NOS1AP: variants seen among roughly 807,000 people sequenced by gnomAD.
The protein encoded by NOS1AP is nitric oxide synthase 1 adaptor protein.
A neutral mutation model predicts 56.2 loss-of-function variants in NOS1AP; 21 were observed. The ratio of observed to expected loss-of-function variants is 0.37; its 90% CI spans 0.26 to 0.54. The LOEUF (loss-of-function observed/expected upper bound fraction) is 0.54. Ranked by LOEUF, NOS1AP falls within the 20% of genes least tolerant of loss-of-function variation. The pLI, the probability that NOS1AP is intolerant of heterozygous loss-of-function variation, is 0.84. For missense variants in NOS1AP, 522 were observed against 657.8 expected, an observed-to-expected ratio of 0.79 and a Z score of 2.26; for synonymous variants, 270 against 274.6, an observed-to-expected ratio of 0.98 and a Z score of 0.17.
chr1:162,106,478 G>A (rs1481647008), intron 1 of NOS1AP, among the ~76,000 whole-genome samples: 1 of 152,036 alleles, frequency 6.6e-6, no homozygotes, highest in Non-Finnish European at 1.5e-5. Flanking sequence ...GGTATTCTTT[G>A]CTTGTATTTT....
intron 1 of NOS1AP, among the ~76,000 whole-genome samples, chr1:162,149,168 A>G (rs1175963099): frequency 6.6e-6 from 1 of 152,232 alleles, no homozygotes; most frequent in East Asian, 1.9e-4. Context: ...GAGGCAGATA[A>G]AAGGAGTGCT....
intron 1 of NOS1AP, among the ~76,000 whole-genome samples, chr1:162,133,263 G>T (rs1222992113): frequency 2.0e-5 from 3 of 152,188 alleles, no homozygotes; most frequent in African/African-American, 7.2e-5. Context: ...CACTGTGTTG[G>T]TAATGCTTTC....
At chr1:162,143,714 G>A (rs994732513) in intron 1 of NOS1AP, among the ~76,000 whole-genome samples, 2 of 151,968 alleles carry the variant, frequency 1.3e-5, no homozygotes, top group African/African-American at 2.4e-5. Flanking sequence ...CCCCCACCTC[G>A]GCCTCTCAAA....
At chr1:162,337,529 G>C (rs1294100845) in intron 5 of NOS1AP, among the ~76,000 whole-genome samples, 4 of 152,156 alleles carry the variant, frequency 2.6e-5, no homozygotes, top group Non-Finnish European at 4.4e-5. Flanking sequence ...CAGGAATCAT[G>C]GGTCTCAGAA....
chr1:162,110,723 T>G (rs78815334), intron 1 of NOS1AP, among the ~76,000 whole-genome samples: 3,695 of 152,334 alleles, frequency 0.024, 173 homozygotes, highest in African/African-American at 0.085. Context: ...ACAGGCATGT[T>G]TGGAAACTTG....
intron 1 of NOS1AP, among the ~76,000 whole-genome samples, chr1:162,074,957 T>C (rs141304803): frequency 6.6e-6 from 1 of 152,320 alleles, no homozygotes; most frequent in African/African-American, 2.4e-5. Context: ...TGGGTCTTTC[T>C]GAGTTACATA....
chr1:162,165,096 C>G (rs1168810175), intron 2 of NOS1AP, among the ~76,000 whole-genome samples: 10 of 152,122 alleles, frequency 6.6e-5, no homozygotes, highest in Non-Finnish European at 5.9e-5. Flanking sequence ...CCAAGGCGAA[C>G]AGATCACCTG....
chr1:162,199,190 A>G (rs1221898299), intron 2 of NOS1AP, among the ~76,000 whole-genome samples: 1 of 152,076 alleles, frequency 6.6e-6, no homozygotes, highest in African/African-American at 2.4e-5. Context: ...TTCTTTCTAG[A>G]ATCATGTGGG....
intron 1 of NOS1AP, among the ~76,000 whole-genome samples, chr1:162,102,594 G>T (rs1647330813): frequency 1.3e-5 from 2 of 151,750 alleles, no homozygotes; most frequent in African/African-American, 2.4e-5. Flanking sequence ...TGGTTGGTAG[G>T]CTATTTCTCA....
chr1:162,187,497 C>T (rs1476487675), intron 2 of NOS1AP, among the ~76,000 whole-genome samples: 1 of 152,152 alleles, frequency 6.6e-6, no homozygotes, highest in Non-Finnish European at 1.5e-5. Context: ...CAAAATTATT[C>T]CTTAAGAATA....
chr1:162,073,803 G>T (rs1433264249), intron 1 of NOS1AP, among the ~76,000 whole-genome samples: 1 of 152,228 alleles, frequency 6.6e-6, no homozygotes. Context: ...CCTTTGGGCT[G>T]AGAGCTGCTT....
At chr1:162,171,385 G>T (rs983124549) in intron 2 of NOS1AP, among the ~76,000 whole-genome samples, 25 of 152,116 alleles carry the variant, frequency 1.6e-4, no homozygotes, top group Admixed American at 1.5e-3. Context: ...TATTGGAAAG[G>T]GTTATGTAAC....
intron 1 of NOS1AP, among the ~76,000 whole-genome samples, chr1:162,127,536 A>G (rs1648544328): frequency 6.6e-6 from 1 of 152,132 alleles, no homozygotes; most frequent in African/African-American, 2.4e-5. Flanking sequence ...ATAAAAAAAA[A>G]AAAAAAGGTT....
chr1:162,154,723 A>G (rs1350162624), intron 2 of NOS1AP, among the ~76,000 whole-genome samples: 1 of 152,186 alleles, frequency 6.6e-6, no homozygotes, highest in Non-Finnish European at 1.5e-5. Flanking sequence ...TAGCTCCTCA[A>G]ACTGAGATAC....
intron 2 of NOS1AP, among the ~76,000 whole-genome samples, chr1:162,214,273 A>G (rs367742250): frequency 4.4e-5 from 2 of 45,666 alleles, no homozygotes; most frequent in Non-Finnish European, 8.5e-5. Context: ...TCGTTCGTTC[A>G]TTCATTCATT....
intron 3 of NOS1AP, among the ~76,000 whole-genome samples, chr1:162,291,767 A>T (rs549107320): frequency 6.6e-6 from 1 of 152,346 alleles, no homozygotes; most frequent in South Asian, 2.1e-4. Flanking sequence ...TGAATTTGTG[A>T]TGTAAACCCA....
intron 1 of NOS1AP, among the ~76,000 whole-genome samples, chr1:162,148,967 G>T (rs1357182408): frequency 6.6e-6 from 1 of 152,194 alleles, no homozygotes; most frequent in East Asian, 1.9e-4. Context: ...CAAGTTTCAT[G>T]CTTGAAAAAC....
At chr1:162,344,846 AAAT>A (rs1210113319) in intron 6 of NOS1AP, among the ~76,000 whole-genome samples, 6 of 152,238 alleles carry the variant, frequency 3.9e-5, no homozygotes, top group African/African-American at 1.4e-4. Context: ...GAACTATTAG[AAAT>A]AATAAGAGAA....
At chr1:162,364,206 C>G (rs1657991542) in intron 8 of NOS1AP, 1 of 985,364 alleles carries the variant, frequency 1.0e-6, no homozygotes, top group Non-Finnish European at 1.2e-6. Flanking sequence ...CCCCATCCAT[C>G]TTCCTGCATC....
Sources: gnomAD v4.1 joint callset for allele counts (sites outside exome capture counted in the v4.1 genomes callset) on GRCh38, gnomAD v4.1.1 for gene constraint, MANE v1.5 for transcripts, NCBI Gene and HGNC (gene_info 2026-07-23, HGNC 2026-07-21) for gene names.